YWHAE: variants seen among roughly 807,000 people sequenced by gnomAD.
The protein encoded by YWHAE is 14-3-3 protein epsilon.
A neutral mutation model predicts 30.1 loss-of-function variants in YWHAE; 4 were observed. That is an observed-to-expected ratio of 0.13 (90% confidence interval 0.07 to 0.30). The LOEUF is 0.30. YWHAE is among the 10% of genes least tolerant of loss of function. The pLI, the probability that YWHAE is intolerant of heterozygous loss-of-function variation, is 1.00. For missense variants in YWHAE, 121 were observed against 315.9 expected (o/e 0.38, Z 4.68); for synonymous variants, 118 against 111.8 (o/e 1.06, Z -0.35).
intron 5 of YWHAE, among the ~76,000 whole-genome samples, chr17:1,346,886 G>A (rs1356252329): frequency 6.6e-6 from 1 of 150,944 alleles, no homozygotes; most frequent in Non-Finnish European, 1.5e-5. Context: ...AGCTACCTGG[G>A]AAGCTGAGGC....
intron 4 of YWHAE, among the ~76,000 whole-genome samples, chr17:1,357,402 CAAAAAAAA>C (rs1195729330): frequency 1.2e-5 from 1 of 80,248 alleles, no homozygotes. Context: ...GACTCCGTCT[CAAAAAAAA>C]AAAAAAAAAA....
At chr17:1,365,611 G>A (rs1218764676) in intron 1 of YWHAE, among the ~76,000 whole-genome samples, 1 of 152,104 alleles carries the variant, frequency 6.6e-6, no homozygotes, top group Non-Finnish European at 1.5e-5. Flanking sequence ...TTACCACTAG[G>A]TGGCGAGCAA....
intron 1 of YWHAE, among the ~76,000 whole-genome samples, chr17:1,379,481 G>T (rs944534565): frequency 1.3e-5 from 2 of 152,110 alleles, no homozygotes; most frequent in African/African-American, 4.8e-5. Flanking sequence ...GCAAGACTCT[G>T]CCTCAAAAGA....
intron 5 of YWHAE, 61 bp from the exon 6 acceptor site, chr17:1,345,560 C>T: frequency 6.5e-7 from 1 of 1,545,824 alleles, no homozygotes; most frequent in East Asian, 2.2e-5. Flanking sequence ...ATGGCAGCCA[C>T]AAACAAAGGT....
At position 1,363,720 on chromosome 17, in the gene YWHAE, A is replaced by C. The variant is rs2072898726; in HGVS notation, c.264+1139T>G. On this transcript the variant is annotated intron_variant, in intron 2 of 5. Coordinates refer to ENST00000264335, the MANE Select transcript of YWHAE (RefSeq NM_006761.5). Reference sequence around the variant, plus strand: ...ATACATGTAACAAAAATATTTCTCTACTCAGGACAGTGCCCAGTACAGCTG... The same window carrying C: ...ATACATGTAACAAAAATATTTCTCTCCTCAGGACAGTGCCCAGTACAGCTG... Among the ~76,000 whole-genome samples the C allele has an allele frequency of 2.0e-5, 3 of 152,108 alleles. No individual in the cohort carries two copies. The South Asian group carries it at 6.2e-4, about 31-fold the overall frequency.
intron 1 of YWHAE, among the ~76,000 whole-genome samples, chr17:1,370,245 G>A (rs1410296301): frequency 6.9e-6 from 1 of 144,180 alleles, no homozygotes; most frequent in African/African-American, 2.6e-5. Context: ...TCCTGCCTCA[G>A]CCTCCCGAGT....
chr17:1,370,495 A>G (rs1401473443), intron 1 of YWHAE, among the ~76,000 whole-genome samples: 1 of 151,408 alleles, frequency 6.6e-6, no homozygotes, highest in Non-Finnish European at 1.5e-5. Context: ...CAGTGGCACA[A>G]TCTCGGCTCA....
intron 4 of YWHAE, among the ~76,000 whole-genome samples, chr17:1,355,893 G>A (rs1328303040): frequency 6.6e-6 from 1 of 152,112 alleles, no homozygotes; most frequent in African/African-American, 2.4e-5. Flanking sequence ...ATTAGGCCGG[G>A]TGCAGTGGCT....
chr17:1,399,001 G>C (rs755220669), intron 1 of YWHAE: 1 of 152,190 alleles, frequency 6.6e-6, no homozygotes, highest in Non-Finnish European at 1.5e-5. Context: ...ACGAAGTACA[G>C]ACCAGCATTC....
Position 1,359,962 on chromosome 17 carries a change from G to A in YWHAE, c.578+1130C>T, listed in dbSNP as rs1372744613. Among the ~76,000 whole-genome samples, 4 of 137,280 alleles carry A rather than the reference G, an allele frequency of 2.9e-5. No individual in the cohort carries two copies. The Admixed American group carries it at 2.9e-4, about 10-fold the overall frequency. 90.1% of individuals were successfully genotyped at this position (137,280 alleles called of 152,430 possible). On this transcript the variant is annotated intron_variant, in intron 4 of 5. Transcript: ENST00000264335. ...AGGGGGAGGGGGGGAGAGAGGGGGA[G>A]AGAGAGAGAGAGAGATTTGAAAAAA...
intron 1 of YWHAE, among the ~76,000 whole-genome samples, chr17:1,376,859 G>A (rs1403196254): frequency 3.3e-5 from 5 of 151,868 alleles, no homozygotes; most frequent in South Asian, 4.2e-4. Context: ...TGGGAAAAAC[G>A]AGCAGGTTCT....
At chr17:1,385,374 T>C (rs1244169653) in intron 1 of YWHAE, among the ~76,000 whole-genome samples, 1 of 152,122 alleles carries the variant, frequency 6.6e-6, no homozygotes, top group Non-Finnish European at 1.5e-5. Flanking sequence ...GCCTCCCAAC[T>C]ACATGCCTCA....
chr17:1,359,360 A>T (rs1178501535), intron 4 of YWHAE, among the ~76,000 whole-genome samples: 3 of 152,152 alleles, frequency 2.0e-5, no homozygotes, highest in Non-Finnish European at 4.4e-5. Context: ...CTCAAGGTGA[A>T]GTTAAATACA....
chr17:1,395,204 C>T (rs1011170705), intron 1 of YWHAE, among the ~76,000 whole-genome samples: 1 of 151,838 alleles, frequency 6.6e-6, no homozygotes, highest in Admixed American at 6.6e-5. Flanking sequence ...ACCAGCCTGG[C>T]AAACATGGTA....
At chr17:1,396,423 C>G (rs921861214) in intron 1 of YWHAE, among the ~76,000 whole-genome samples, 1 of 151,504 alleles carries the variant, frequency 6.6e-6, no homozygotes, top group African/African-American at 2.4e-5. Context: ...GACTCCGTCT[C>G]AAAAGAAAAA....
chr17:1,356,783 A>C (rs2072751134), intron 4 of YWHAE, among the ~76,000 whole-genome samples: 1 of 149,606 alleles, frequency 6.7e-6, no homozygotes, highest in South Asian at 2.1e-4. Flanking sequence ...AGATGGTGAA[A>C]ACCTGTCTCT....
chr17:1,381,985 A>G (rs904539246), intron 1 of YWHAE, among the ~76,000 whole-genome samples: 4 of 148,874 alleles, frequency 2.7e-5, no homozygotes, highest in African/African-American at 1.0e-4. Context: ...GCACTGGAGC[A>G]AAGAAAAAGT....
intron 4 of YWHAE, among the ~76,000 whole-genome samples, chr17:1,354,985 T>G (rs1330902158): frequency 3.1e-5 from 3 of 97,762 alleles, no homozygotes; most frequent in Non-Finnish European, 6.1e-5. Flanking sequence ...TTTTTTTTTT[T>G]TTTTTTTTTT....
intron 1 of YWHAE, among the ~76,000 whole-genome samples, chr17:1,397,680 G>A (rs2073495244): frequency 6.6e-6 from 1 of 152,028 alleles, no homozygotes; most frequent in Non-Finnish European, 1.5e-5. Context: ...AGTTCTGTTT[G>A]GTGACCAGAA....
Sources: allele counts gnomAD v4.1 joint callset (sites outside exome capture counted in the v4.1 genomes callset), GRCh38; gene constraint gnomAD v4.1.1; transcripts MANE v1.5; gene names NCBI Gene and HGNC (gene_info 2026-07-23, HGNC 2026-07-21).